Variants in ITPR2 observed in about 807,000 individuals in gnomAD.
The protein encoded by ITPR2 is inositol 1,4,5-trisphosphate-gated calcium channel ITPR2.
ITPR2 carries 207 observed loss-of-function variants against 317.1 expected under a neutral mutation model. That is an observed-to-expected ratio of 0.65 (90% CI 0.58 to 0.73). ITPR2 has a LOEUF of 0.73. ITPR2 is among the 30% of genes least tolerant of loss of function. The pLI is 0.00. For missense variants in ITPR2, 2,613 were observed against 3,284.0 expected, an observed-to-expected ratio of 0.80 and a Z score of 4.99; for synonymous variants, 1,156 against 1,149.1, an observed-to-expected ratio of 1.01 and a Z score of -0.12.
chr12:26,816,260 A>G (rs929513102), intron 1 of ITPR2, among the ~76,000 whole-genome samples: 2 of 152,170 alleles, frequency 1.3e-5, no homozygotes, highest in African/African-American at 4.8e-5. Flanking sequence ...GCTTCCATGT[A>G]TTTAATACTT....
intron 20 of ITPR2, 115 bp downstream of exon 20, chr12:26,655,593 G>A (rs569886502): frequency 6.8e-5 from 58 of 856,658 alleles, no homozygotes; most frequent in African/African-American, 4.6e-4. Context: ...CAGCCTGGGC[G>A]ACCGAGTGAG....
At chr12:26,340,737 T>C (rs73079123) in intron 55 of ITPR2, among the ~76,000 whole-genome samples, 4,959 of 151,992 alleles carry the variant, frequency 0.033, 114 homozygotes, top group Non-Finnish European at 0.051. Context: ...TATAGGAAAG[T>C]GGTAAAAGAA....
At position 26,387,425 on chromosome 12, in the gene ITPR2, G is replaced by T. The variant is rs745515595; in HGVS notation, c.7857+9C>A. On this transcript the variant is annotated intron_variant, in intron 55 of 56. Transcript: ENST00000381340. ...TATAGTCACAAATTAAAACCTTCTG[G>T]TCACTCACCACAATCATTTGAGCCA... 1 of 1,612,456 alleles carries T rather than the reference G, an allele frequency of 6.2e-7. No individual in the cohort carries two copies. The highest frequency in any genetic ancestry group is 1.3e-5 in the African/African-American group (1 of 74,846).
intron 55 of ITPR2, among the ~76,000 whole-genome samples, chr12:26,376,882 C>A (rs138750997): frequency 6.6e-6 from 1 of 152,176 alleles, no homozygotes; most frequent in East Asian, 1.9e-4. Context: ...GAGTGTGCAA[C>A]CATGCCCAGC....
At chr12:26,439,883 CTCA>C (rs1209266224) in intron 46 of ITPR2, among the ~76,000 whole-genome samples, 2 of 152,058 alleles carry the variant, frequency 1.3e-5, no homozygotes, top group African/African-American at 4.8e-5. Context: ...CATTTAAATA[CTCA>C]TCATTTTTAG....
intron 39 of ITPR2, among the ~76,000 whole-genome samples, chr12:26,489,570 T>C (rs1412993187): frequency 6.6e-6 from 1 of 152,224 alleles, no homozygotes; most frequent in Non-Finnish European, 1.5e-5. Flanking sequence ...ACCTCACAGG[T>C]TGTTTGAATA....
intron 45 of ITPR2, among the ~76,000 whole-genome samples, chr12:26,456,399 A>T (rs1479876055): frequency 6.6e-6 from 1 of 152,224 alleles, no homozygotes; most frequent in Non-Finnish European, 1.5e-5. Context: ...TGGTCTAAAA[A>T]GGGGAGGAAC....
chr12:26,820,813 T>C (rs1950927061), intron 1 of ITPR2, among the ~76,000 whole-genome samples: 1 of 152,192 alleles, frequency 6.6e-6, no homozygotes, highest in African/African-American at 2.4e-5. Context: ...AATGAAGTAC[T>C]AACATGTGCT....
chr12:26,597,412 G>A (rs532071443), intron 30 of ITPR2, among the ~76,000 whole-genome samples: 1 of 152,298 alleles, frequency 6.6e-6, no homozygotes, highest in African/African-American at 2.4e-5. Flanking sequence ...TCATCACACT[G>A]AAATTAAACC....
intron 2 of ITPR2, among the ~76,000 whole-genome samples, chr12:26,746,293 T>C (rs1370716834): frequency 6.6e-6 from 1 of 152,040 alleles, no homozygotes; most frequent in East Asian, 1.9e-4. Flanking sequence ...TGCATGCAAA[T>C]GGAGGGAACC....
intron 21 of ITPR2, among the ~76,000 whole-genome samples, chr12:26,652,216 G>A (rs554189413): frequency 1.3e-5 from 2 of 152,304 alleles, no homozygotes; most frequent in South Asian, 4.1e-4. Context: ...CCAGGCAGCT[G>A]TACTAAAAAT....
rs939453773 is a variant in ITPR2, at chr12:26,406,433, T to G, written c.7399+4887A>C. 1.3e-4 allele frequency: 15 copies of G among 118,654 alleles called. No homozygotes were observed. In the South Asian group the frequency reaches 1.6e-3, roughly 13 times the overall value. The allele number at this position is 118,654 out of a possible 1,614,324, so 7.4% of individuals were successfully genotyped here. ...TGCAGCAAATGAAATATGAAGTTTTTTTTTTTTTTTTTTTTTTTTTTAAAC... is the reference window on the plus strand; with the variant it reads ...TGCAGCAAATGAAATATGAAGTTTTGTTTTTTTTTTTTTTTTTTTTTAAAC... On this transcript the variant is annotated intron_variant, in intron 52 of 56. Coordinates refer to ENST00000381340, the MANE Select transcript of ITPR2 (RefSeq NM_002223.4).
chr12:26,717,516 G>A (rs1396896372), intron 5 of ITPR2, among the ~76,000 whole-genome samples: 4 of 152,144 alleles, frequency 2.6e-5, no homozygotes, highest in Non-Finnish European at 5.9e-5. Flanking sequence ...TACTCATCAC[G>A]TCCATAAGAA....
chr12:26,414,337 C>T (rs1483392563), intron 51 of ITPR2, among the ~76,000 whole-genome samples: 2 of 152,152 alleles, frequency 1.3e-5, no homozygotes, highest in South Asian at 2.1e-4. Flanking sequence ...TACCATATAT[C>T]GTCAATTTAG....
intron 54 of ITPR2, among the ~76,000 whole-genome samples, chr12:26,391,480 C>G (rs1939834322): frequency 6.8e-6 from 1 of 148,026 alleles, no homozygotes; most frequent in South Asian, 2.2e-4. Context: ...CTGGCAGAAA[C>G]AACGGCAAGC....
chr12:26,695,324 T>C (rs572417464), intron 10 of ITPR2, among the ~76,000 whole-genome samples: 1 of 152,184 alleles, frequency 6.6e-6, no homozygotes, highest in East Asian at 1.9e-4. Context: ...GAAAAAAGGG[T>C]AAATAAAACT....
chr12:26,341,494 T>C (rs936900527), intron 55 of ITPR2, among the ~76,000 whole-genome samples: 7 of 152,316 alleles, frequency 4.6e-5, no homozygotes, highest in Admixed American at 2.0e-4. Flanking sequence ...ACCTGGCCCT[T>C]GGGTTGGCTT....
At chr12:26,478,064 T>G (rs540718259) in intron 43 of ITPR2, among the ~76,000 whole-genome samples, 2 of 152,260 alleles carry the variant, frequency 1.3e-5, no homozygotes, top group East Asian at 3.9e-4. Context: ...TGAATTGTGT[T>G]TGGTCTAAAC....
At chr12:26,782,027 TATATATGTATAGAGAG>T (rs1164946993) in intron 2 of ITPR2, among the ~76,000 whole-genome samples, 5 of 26,282 alleles carry the variant, frequency 1.9e-4, no homozygotes, top group Non-Finnish European at 4.0e-4. Flanking sequence ...TATATATATA[TATATATGTATAGAGAG>T]AGAGAGAGAG....
Sources: gnomAD v4.1 joint callset for allele counts (sites outside exome capture counted in the v4.1 genomes callset) on GRCh38, gnomAD v4.1.1 for gene constraint, MANE v1.5 for transcripts, NCBI Gene and HGNC (gene_info 2026-07-23, HGNC 2026-07-21) for gene names.